IL17F: variants seen among roughly 807,000 people sequenced by gnomAD.
IL17F encodes interleukin 17F.
Under a neutral mutation model 8.3 loss-of-function variants are expected in IL17F, and 6 were observed. That is an observed-to-expected ratio of 0.73 (90% confidence interval 0.40 to 1.43). The LOEUF (loss-of-function observed/expected upper bound fraction) is 1.43, where lower values mean the gene tolerates loss of function less well. Among genes scored for constraint, IL17F ranks in the 40% most tolerant of loss-of-function variants. The probability of loss-of-function intolerance (pLI) is 0.02; values close to 1 mark genes in which losing one functional copy is unlikely to be tolerated. For synonymous variants in IL17F, 98 were observed against 81.6 expected (o/e 1.20, Z -1.08); for missense variants, 204 against 209.6 (o/e 0.97, Z 0.17).
upstream of IL17F, among the ~76,000 whole-genome samples, chr6:52,245,342 A>AG (rs1764143412): frequency 6.6e-6 from 1 of 152,262 alleles, no homozygotes; most frequent in South Asian, 2.1e-4. Flanking sequence ...CACAGGTCCA[A>AG]GCCTCTGGGA....
intron 1 of IL17F, among the ~76,000 whole-genome samples, chr6:52,241,514 C>T (rs1157583452): frequency 6.6e-6 from 1 of 152,184 alleles, no homozygotes; most frequent in Non-Finnish European, 1.5e-5. Flanking sequence ...CTGTGTCATA[C>T]TCACTGAATC....
chr6:52,243,562 T>C (rs1764107108), intron 1 of IL17F, among the ~76,000 whole-genome samples: 1 of 152,208 alleles, frequency 6.6e-6, no homozygotes, highest in Non-Finnish European at 1.5e-5. Context: ...CCAGTTTCCT[T>C]GGTTAAAATG....
Position 52,244,424 on chromosome 6 carries a change from T to A in IL17F, c.6A>T (p.Thr2=), listed in dbSNP as rs760292205. M[T]VKTLHGPAMV... ...TGGCTGGGCCATGCAGGGTCTTCACTGTCATGTTGCGCTGGTGGCTTACTT... is the reference window on the plus strand; with the variant it reads ...TGGCTGGGCCATGCAGGGTCTTCACAGTCATGTTGCGCTGGTGGCTTACTT... The change falls in exon 1 of 3, where the codon ACA becomes ACT. Residue 2 remains threonine, a synonymous_variant. Coordinates refer to ENST00000336123, the MANE Select transcript of IL17F (RefSeq NM_052872.4). 6.2e-7 allele frequency: 1 copy of A among 1,614,120 alleles called. No homozygotes were observed.
At chr6:52,244,526 T>C, upstream of IL17F, 2 of 1,182,556 alleles carry the variant, frequency 1.7e-6, no homozygotes, top group Non-Finnish European at 2.5e-6. Context: ...CTGTTAGTTT[T>C]ATAGCAATCA....
intron 1 of IL17F, among the ~76,000 whole-genome samples, chr6:52,241,270 G>C (rs1277138678): frequency 6.6e-6 from 1 of 152,042 alleles, no homozygotes; most frequent in Non-Finnish European, 1.5e-5. Flanking sequence ...GTAGATATAG[G>C]GTTTCATCAT....
chr6:52,238,972 A>T, intron 1 of IL17F, 22 bp from the exon 2 acceptor site: 3 of 1,603,852 alleles, frequency 1.9e-6, no homozygotes, highest in Non-Finnish European at 2.6e-6. Context: ...AAGACGCTGC[A>T]ATCAGTTAGA....
rs189630805 is a variant in IL17F at position 52,236,808 on chromosome 6, G to A, written c.*123C>T. The A allele has an allele frequency of 9.7e-3, 7,777 of 798,730 alleles. 55 individuals carry two copies. The highest frequency in any genetic ancestry group is 0.012 in the Non-Finnish European group (5,462 of 440,822). The allele number at this position is 798,730 out of a possible 1,614,324, so 49.5% of individuals were successfully genotyped here. A position where few individuals can be genotyped will look rare whatever the true frequency, so the allele number is the denominator to read the frequency against. ...TTGTGAATATTTTCTGTTTCCATCC[G>A]TGCAGGTCTTATTAAGAGTCCTGTG... On this transcript the variant is annotated 3_prime_UTR_variant, in exon 3 of 3. Transcript: ENST00000336123.
upstream of IL17F, among the ~76,000 whole-genome samples, chr6:52,244,801 C>A (rs1361150141): frequency 6.6e-6 from 1 of 151,986 alleles, no homozygotes; most frequent in African/African-American, 2.4e-5. Flanking sequence ...CTTTTTTGTT[C>A]TTCCACAAAT....
chr6:52,242,499 C>A (rs1397528834), intron 1 of IL17F, among the ~76,000 whole-genome samples: 4 of 152,220 alleles, frequency 2.6e-5, no homozygotes, highest in Non-Finnish European at 5.9e-5. Flanking sequence ...GACAACCCAA[C>A]AGATTTCTTT....
At position 52,238,901 on chromosome 6, in the gene IL17F, G is replaced by A. The variant is rs201102127; in HGVS notation, c.83C>T (p.Ala28Val). 51 of 1,613,674 alleles carry A rather than the reference G, an allele frequency of 3.2e-5. No homozygotes were observed. The Admixed American group carries it at 3.7e-4, about 12-fold the overall frequency. The change falls in exon 2 of 3, where the codon GCG (alanine) becomes GTG (valine). Residue 28 changes from alanine (A) to valine (V), a missense_variant. Coordinates refer to ENST00000336123, the MANE Select transcript of IL17F (RefSeq NM_052872.4). ...TACTTTGGGGATTTTCCGAGCTGCC[G>A]CCTCACTCAGAAAGGCAAGCCCCAA... ...SILGLAFLSEAAARKIPKVGH... is the reference protein window; with the variant it reads ...SILGLAFLSEVAARKIPKVGH...
chr6:52,237,387 A>G (rs1050618368), intron 2 of IL17F, among the ~76,000 whole-genome samples: 2 of 152,220 alleles, frequency 1.3e-5, no homozygotes, highest in African/African-American at 4.8e-5. Flanking sequence ...GGATTTTCAT[A>G]TACCATTTTC....
rs765197624 is a variant in IL17F at position 52,237,036 on chromosome 6, G to A, written c.387C>T (p.Val129=). Residue 129 remains valine, a synonymous_variant, in exon 3 of 3, where the codon GTC becomes GTT. Transcript: ENST00000336123. Reference sequence around the variant, plus strand: ...AGCAGCCTTGGTGCTTCCTCCGGACGACCAGGGTCTCTTGCTGGATGGGAA... The same window carrying A: ...AGCAGCCTTGGTGCTTCCTCCGGACAACCAGGGTCTCTTGCTGGATGGGAA... ...NSVPIQQETL[V]VRRKHQGCSV... The A allele has an allele frequency of 5.0e-6, 8 of 1,614,216 alleles. No individual in the cohort carries two copies. Among genetic ancestry groups the A allele is most frequent in the South Asian group, 3.3e-5 (3 of 91,078 alleles).
At chr6:52,243,042 A>T (rs11465546) in intron 1 of IL17F, among the ~76,000 whole-genome samples, 3,993 of 152,294 alleles carry the variant, frequency 0.026, 166 homozygotes, top group African/African-American at 0.087. Flanking sequence ...AAAATCCTAC[A>T]TTTAGCAAGC....
At chr6:52,239,684 G>C (rs1471314519) in intron 1 of IL17F, among the ~76,000 whole-genome samples, 3 of 152,214 alleles carry the variant, frequency 2.0e-5, no homozygotes, top group Non-Finnish European at 4.4e-5. Flanking sequence ...ACACCCATTA[G>C]ATTGTAAGTT....
rs368603313 is a variant in IL17F, at chr6:52,244,411, G to C, written c.19C>G (p.His7Asp). 1.2e-6 allele frequency: 2 copies of C among 1,614,028 alleles called. No homozygotes were observed. The highest frequency in any genetic ancestry group is 1.7e-6 in the Non-Finnish European group (2 of 1,179,902). Residue 7 changes from histidine to aspartate, a missense_variant, in exon 1 of 3, where the codon CAT becomes GAT. Coordinates refer to ENST00000336123, the MANE Select transcript of IL17F (RefSeq NM_052872.4). MTVKTL[H>D]GPAMVKYLLL... ...CTGCTACTCACCATGGCTGGGCCAT[G>C]CAGGGTCTTCACTGTCATGTTGCGC...
chr6:52,242,498 A>T (rs1582263222), intron 1 of IL17F, among the ~76,000 whole-genome samples: 1 of 152,348 alleles, frequency 6.6e-6, no homozygotes, highest in Non-Finnish European at 1.5e-5. Flanking sequence ...TGACAACCCA[A>T]CAGATTTCTT....
chr6:52,244,051 G>C (rs1167439124), intron 1 of IL17F, among the ~76,000 whole-genome samples: 1 of 151,934 alleles, frequency 6.6e-6, no homozygotes, highest in Non-Finnish European at 1.5e-5. Context: ...GAGCCACCAG[G>C]CTCGACCTAA....
chr6:52,237,246 G>A, intron 2 of IL17F, 78 bp from the exon 3 acceptor site: 1 of 1,102,538 alleles, frequency 9.1e-7, no homozygotes, highest in South Asian at 1.4e-5. Context: ...ACAGCACTGA[G>A]TGTTCACCTG....
chr6:52,243,154 A>G (rs1764101296), intron 1 of IL17F, among the ~76,000 whole-genome samples: 1 of 152,204 alleles, frequency 6.6e-6, no homozygotes, highest in Non-Finnish European at 1.5e-5. Context: ...ATAAAATAAA[A>G]CATACCATTG....
Sources: allele counts gnomAD v4.1 joint callset (sites outside exome capture counted in the v4.1 genomes callset), GRCh38; gene constraint gnomAD v4.1.1; transcripts MANE v1.5; gene names NCBI Gene and HGNC (gene_info 2026-07-23, HGNC 2026-07-21).